The following KLF12 variants were observed in gnomAD, a reference collection of about 807,000 sequenced individuals.
KLF12 encodes the protein KLF transcription factor 12, also known as Krueppel-like factor 12.
A neutral mutation model predicts 37.8 loss-of-function variants in KLF12; 9 were observed. That is an observed-to-expected ratio of 0.24 (90% CI 0.14 to 0.42). The LOEUF (loss-of-function observed/expected upper bound fraction) is 0.42. Among genes scored for constraint, KLF12 ranks in the 10% least tolerant of loss-of-function variants. The probability of loss-of-function intolerance (pLI) is 1.00; values close to 1 mark genes in which losing one functional copy is unlikely to be tolerated. For missense variants in KLF12, 411 were observed against 516.0 expected (o/e 0.80, Z 1.97); for synonymous variants, 208 against 202.1 (o/e 1.03, Z -0.25).
intron 1 of KLF12, among the ~76,000 whole-genome samples, chr13:74,035,586 G>A (rs1005709160): frequency 2.6e-5 from 4 of 152,154 alleles, no homozygotes; most frequent in African/African-American, 9.7e-5. Context: ...CAAACAAAAA[G>A]CTGGTACTAC....
chr13:74,215,939 A>G, the KLF12 span, among the ~76,000 whole-genome samples: 42 of 152,302 alleles, frequency 2.8e-4, no homozygotes, highest in African/African-American at 8.9e-4. Context: ...TGCTTCTGCT[A>G]GAACAGGCTA....
intron 5 of KLF12, among the ~76,000 whole-genome samples, chr13:73,783,137 T>C (rs1011074555): frequency 4.6e-5 from 7 of 151,884 alleles, no homozygotes; most frequent in Middle Eastern, 7.0e-3. Flanking sequence ...CTTACATAAA[T>C]ACAGGCTTAA....
At chr13:73,952,038 A>C (rs1448569307) in intron 2 of KLF12, among the ~76,000 whole-genome samples, 2 of 152,244 alleles carry the variant, frequency 1.3e-5, no homozygotes, top group Non-Finnish European at 2.9e-5. Flanking sequence ...GGATGAGCAT[A>C]GGCAAAATCT....
chr13:73,835,817 C>T (rs1594149299), intron 4 of KLF12, among the ~76,000 whole-genome samples: 2 of 152,190 alleles, frequency 1.3e-5, no homozygotes, highest in Admixed American at 6.5e-5. Context: ...TTTCAACCTA[C>T]TCCATTCTAT....
chr13:73,973,411 C>T (rs1891400982), intron 2 of KLF12, among the ~76,000 whole-genome samples: 1 of 152,152 alleles, frequency 6.6e-6, no homozygotes, highest in Non-Finnish European at 1.5e-5. Context: ...TTTGAAAAGG[C>T]ATCATTGTCC....
At chr13:74,154,893 G>A in the KLF12 span, among the ~76,000 whole-genome samples, 2 of 152,164 alleles carry the variant, frequency 1.3e-5, no homozygotes, top group Non-Finnish European at 2.9e-5. Flanking sequence ...TTCTTCCAAA[G>A]TCAAACTCTT....
intron 1 of KLF12, among the ~76,000 whole-genome samples, chr13:74,001,988 A>G (rs1358516017): frequency 6.6e-6 from 1 of 152,240 alleles, no homozygotes; most frequent in African/African-American, 2.4e-5. Context: ...ATTTTATAAT[A>G]TAATTTGAAA....
chr13:74,184,328 T>C, the KLF12 span, among the ~76,000 whole-genome samples: 1 of 152,206 alleles, frequency 6.6e-6, no homozygotes. Context: ...TCAGTCTGCC[T>C]AGAGCTCACA....
At chr13:74,035,742 A>G (rs1319159132) in intron 1 of KLF12, among the ~76,000 whole-genome samples, 3 of 152,012 alleles carry the variant, frequency 2.0e-5, no homozygotes, top group Admixed American at 2.0e-4. Context: ...CATATCCTTA[A>G]AAATGGGTAA....
intron 1 of KLF12, among the ~76,000 whole-genome samples, chr13:74,076,152 A>G (rs1303272999): frequency 6.6e-6 from 1 of 152,212 alleles, no homozygotes; most frequent in Non-Finnish European, 1.5e-5. Flanking sequence ...TGGTACATAA[A>G]TTATACCTTG....
At chr13:74,272,761 GT>G in the KLF12 span, among the ~76,000 whole-genome samples, 67 of 152,296 alleles carry the variant, frequency 4.4e-4, no homozygotes, top group Middle Eastern at 3.4e-3. Context: ...AGAAGGGAAA[GT>G]GAGTGATCTA....
intron 1 of KLF12, among the ~76,000 whole-genome samples, chr13:73,995,721 C>A (rs1892095574): frequency 6.6e-6 from 1 of 152,090 alleles, no homozygotes; most frequent in South Asian, 2.1e-4. Context: ...TAGGATATCA[C>A]CAAATCATTA....
chr13:73,812,739 C>T (rs186155463), intron 5 of KLF12: 1 of 154,476 alleles, frequency 6.5e-6, no homozygotes. Flanking sequence ...TATTATTTTC[C>T]AAATTTAAAT....
the KLF12 span, among the ~76,000 whole-genome samples, chr13:74,232,963 G>A: frequency 2.0e-4 from 31 of 152,080 alleles, no homozygotes; most frequent in African/African-American, 7.2e-4. Flanking sequence ...TCAGCTCACT[G>A]CAACCTCCGC....
chr13:74,009,310 T>C (rs1892489012), intron 1 of KLF12, among the ~76,000 whole-genome samples: 1 of 152,258 alleles, frequency 6.6e-6, no homozygotes, highest in African/African-American at 2.4e-5. Flanking sequence ...AATCAGGTTA[T>C]GTGTCAGGCA....
chr13:74,138,199 G>T (rs6562804), upstream of KLF12, among the ~76,000 whole-genome samples: 3 of 152,122 alleles, frequency 2.0e-5, no homozygotes, highest in African/African-American at 7.2e-5. Context: ...GCACTAATAC[G>T]ATTTCAAGGA....
chr13:73,909,752 C>T (rs73524882), intron 3 of KLF12, among the ~76,000 whole-genome samples: 7,134 of 152,214 alleles, frequency 0.047, 380 homozygotes, highest in African/African-American at 0.13. Context: ...TTTATAGGCG[C>T]ATTTAAATAT....
At chr13:73,751,140 C>T (rs1427833474) in intron 6 of KLF12, among the ~76,000 whole-genome samples, 7 of 152,206 alleles carry the variant, frequency 4.6e-5, no homozygotes, top group South Asian at 2.1e-4. Flanking sequence ...TCCAATCATC[C>T]GCTGATAGAC....
intron 1 of KLF12, among the ~76,000 whole-genome samples, chr13:74,071,699 G>GA (rs1288411841): frequency 4.6e-5 from 7 of 151,424 alleles, no homozygotes; most frequent in Admixed American, 3.3e-4. Context: ...TCTCAAAAAA[G>GA]AAAAAAAAGA....
Sources: gnomAD v4.1 joint callset for allele counts (sites outside exome capture counted in the v4.1 genomes callset) on GRCh38, gnomAD v4.1.1 for gene constraint, MANE v1.5 for transcripts, NCBI Gene and HGNC (gene_info 2026-07-23, HGNC 2026-07-21) for gene names.